The following PARD3B variants were observed in gnomAD, a reference collection of about 807,000 sequenced individuals.
PARD3B encodes the protein partitioning defective 3 homolog B.
A neutral mutation model predicts 130.2 loss-of-function variants in PARD3B; 103 were observed. The observed-to-expected ratio is 0.79, with a 90% CI of 0.67 to 0.93. The LOEUF (loss-of-function observed/expected upper bound fraction) is 0.93. PARD3B is among the 40% of genes least tolerant of loss of function. PARD3B has a pLI of 0.00. For synonymous variants in PARD3B, 583 were observed against 553.2 expected, an observed-to-expected ratio of 1.05 and a Z score of -0.76; for missense variants, 1,609 against 1,499.2, an observed-to-expected ratio of 1.07 and a Z score of -1.21.
intron 18 of PARD3B, among the ~76,000 whole-genome samples, chr2:205,380,764 T>C (rs1306543750): frequency 9.8e-6 from 1 of 102,376 alleles, no homozygotes; most frequent in African/African-American, 4.1e-5. Flanking sequence ...ATATAAAGAA[T>C]ATATATAATA....
chr2:205,451,650 T>C (rs913099581), intron 20 of PARD3B, among the ~76,000 whole-genome samples: 1 of 151,418 alleles, frequency 6.6e-6, no homozygotes, highest in Non-Finnish European at 1.5e-5. Context: ...CAACTTGTTT[T>C]ACATTTTTTA....
intron 15 of PARD3B, among the ~76,000 whole-genome samples, chr2:205,216,027 A>G (rs986769129): frequency 6.6e-6 from 1 of 152,110 alleles, no homozygotes; most frequent in Non-Finnish European, 1.5e-5. Context: ...GTATGTATAT[A>G]TATAATCATG....
chr2:205,326,071 G>A (rs1341262396), intron 18 of PARD3B, among the ~76,000 whole-genome samples: 1 of 152,120 alleles, frequency 6.6e-6, no homozygotes, highest in African/African-American at 2.4e-5. Context: ...GGTGAAAAAC[G>A]GATTTGGCGC....
intron 2 of PARD3B, among the ~76,000 whole-genome samples, chr2:204,788,918 A>C (rs1225652178): frequency 4.6e-5 from 7 of 152,196 alleles, no homozygotes; most frequent in Non-Finnish European, 7.3e-5. Flanking sequence ...CATTTCCTCT[A>C]CTGCTGTATC....
At chr2:205,539,047 A>G (rs1231753908) in intron 21 of PARD3B, among the ~76,000 whole-genome samples, 4 of 152,158 alleles carry the variant, frequency 2.6e-5, no homozygotes, top group Non-Finnish European at 4.4e-5. Flanking sequence ...TTCAAACCCA[A>G]CCACTATGGC....
intron 1 of PARD3B, among the ~76,000 whole-genome samples, chr2:204,653,603 C>G (rs2035554049): frequency 6.6e-6 from 1 of 150,420 alleles, no homozygotes; most frequent in Non-Finnish European, 1.5e-5. Flanking sequence ...CCAGCCTGAC[C>G]AACAAGGTGA....
rs1458820717 is a variant in PARD3B at position 205,258,935 on chromosome 2, T to A, written c.2185+13113T>A. On this transcript the variant is annotated intron_variant, in intron 16 of 22. Transcript: ENST00000406610. This position sits in a 1 kb window ranked among gnomAD's most constrained non-coding sequence, Gnocchi z 4.9. ...AGGCTGAATTGCTTTTTAATCCCAT[T>A]TTTTTCTGATAGTGATTTGAAAATT... is the stretch of plus-strand genomic sequence containing the variant. Among the ~76,000 whole-genome samples, 3 of 152,164 alleles carry A rather than the reference T, an allele frequency of 2.0e-5. No individual in the cohort carries two copies. The highest frequency in any genetic ancestry group is 7.2e-5 in the African/African-American group (3 of 41,434).
At position 204,763,373 on chromosome 2, in the gene PARD3B, A is replaced by G. The variant is rs1048567662; in HGVS notation, c.222+77091A>G. Among the ~76,000 whole-genome samples the G allele has an allele frequency of 5.3e-5, 8 of 152,218 alleles. 1 individual carries two copies. Among genetic ancestry groups the G allele is most frequent in the African/African-American group, 1.2e-4 (5 of 41,458 alleles). On this transcript the variant is annotated intron_variant, in intron 2 of 22. Coordinates refer to ENST00000406610, the MANE Select transcript of PARD3B (RefSeq NM_001302769.2). ...ATTAAAGGTTTGACTCTATCTGATT[A>G]TTTTGTGTAAATGCATTTTTCAGGT... is the stretch of plus-strand genomic sequence containing the variant.
intron 22 of PARD3B, among the ~76,000 whole-genome samples, chr2:205,593,519 A>G (rs2054464080): frequency 6.6e-6 from 1 of 152,182 alleles, no homozygotes; most frequent in Non-Finnish European, 1.5e-5. Context: ...AAATTCCCCA[A>G]TGGGATGTTA....
At chr2:204,665,979 G>A (rs2036004702) in intron 1 of PARD3B, among the ~76,000 whole-genome samples, 1 of 152,170 alleles carries the variant, frequency 6.6e-6, no homozygotes. Context: ...CTACTGGTAT[G>A]AATTTTCCTT....
chr2:205,030,677 T>C (rs373624833), intron 3 of PARD3B, among the ~76,000 whole-genome samples: 33 of 152,268 alleles, frequency 2.2e-4, no homozygotes, highest in African/African-American at 7.7e-4. Flanking sequence ...TTGTTTTAGA[T>C]AGGAAACAAA....
intron 20 of PARD3B, among the ~76,000 whole-genome samples, chr2:205,450,660 G>C (rs1199747842): frequency 6.6e-6 from 1 of 151,934 alleles, no homozygotes; most frequent in African/African-American, 2.4e-5. Flanking sequence ...ATTTTTAGCA[G>C]AGACAGGGTT....
intron 2 of PARD3B, among the ~76,000 whole-genome samples, chr2:204,934,656 CT>C (rs571582124): frequency 3.6e-4 from 55 of 152,126 alleles, no homozygotes; most frequent in African/African-American, 1.3e-3. Flanking sequence ...TTTTCCAGAC[CT>C]TTTTTATTAT....
chr2:205,327,649 C>T (rs1383074986), intron 18 of PARD3B, among the ~76,000 whole-genome samples: 2 of 152,256 alleles, frequency 1.3e-5, no homozygotes, highest in African/African-American at 2.4e-5. Flanking sequence ...TGGCTCTTAG[C>T]TAGCTGGGCA....
At chr2:204,929,553 T>G (rs1687875276) in intron 2 of PARD3B, among the ~76,000 whole-genome samples, 1 of 152,130 alleles carries the variant, frequency 6.6e-6, no homozygotes, top group East Asian at 1.9e-4. Flanking sequence ...TTATGAGGAA[T>G]TTTTATTTCC....
At chr2:205,610,512 A>C (rs1385515527) in intron 22 of PARD3B, among the ~76,000 whole-genome samples, 1 of 152,162 alleles carries the variant, frequency 6.6e-6, no homozygotes, top group Admixed American at 6.5e-5. Flanking sequence ...GTTTCCAGTT[A>C]ATCTTGAGTC....
intron 1 of PARD3B, among the ~76,000 whole-genome samples, chr2:204,562,055 T>TAC (rs2031351650): frequency 6.6e-6 from 1 of 152,048 alleles, no homozygotes; most frequent in Admixed American, 6.6e-5. Context: ...AGTATCTACA[T>TAC]ACACACACAC....
chr2:204,976,476 C>T (rs1440357123), intron 3 of PARD3B, among the ~76,000 whole-genome samples: 1 of 151,980 alleles, frequency 6.6e-6, no homozygotes, highest in Non-Finnish European at 1.5e-5. Context: ...ATGTAAAACA[C>T]AGAGAATACT....
intron 20 of PARD3B, among the ~76,000 whole-genome samples, chr2:205,449,013 A>G (rs1372036237): frequency 1.3e-5 from 2 of 151,726 alleles, no homozygotes; most frequent in African/African-American, 2.4e-5. Flanking sequence ...CTAAAAATAC[A>G]AAATTAGCTG....
Sources: gnomAD v4.1 joint callset for allele counts (sites outside exome capture counted in the v4.1 genomes callset) on GRCh38, gnomAD v4.1.1 for gene constraint, Gnocchi (gnomAD v3.1) non-coding constraint, MANE v1.5 for transcripts, NCBI Gene and HGNC (gene_info 2026-07-23, HGNC 2026-07-21) for gene names.